Variants in TRIM17 observed in about 807,000 individuals in gnomAD.
TRIM17 encodes the protein tripartite motif containing 17.
In TRIM17, 27 loss-of-function variants were observed where a neutral mutation model predicts 35.8. The observed-to-expected ratio is 0.75, with a 90% CI of 0.56 to 1.04. The LOEUF (loss-of-function observed/expected upper bound fraction) is 1.04, where lower values mean the gene tolerates loss of function less well. Ranked by LOEUF, TRIM17 falls within the 50% of genes least tolerant of loss-of-function variation. TRIM17 has a pLI of 0.00. For synonymous variants in TRIM17, 246 were observed against 252.6 expected (o/e 0.97, Z 0.25); for missense variants, 582 against 612.8 (o/e 0.95, Z 0.53).
rs1293742925 is a variant in TRIM17 at position 228,407,985 on chromosome 1, G to A, written c.*216C>T. 9.7e-6 allele frequency: 4 copies of A among 414,168 alleles called. No individual in the cohort carries two copies. The highest frequency in any genetic ancestry group is 8.5e-5 in the South Asian group (1 of 11,798). The allele number at this position is 414,168 out of a possible 1,614,324, so 25.7% of individuals were successfully genotyped here. A position where few individuals can be genotyped will look rare whatever the true frequency, so the allele number is the denominator to read the frequency against. On this transcript the variant is annotated 3_prime_UTR_variant, in exon 7 of 7. Transcript: ENST00000366698. ...GAAATCGGTCCACTCAGAACGCAGG[G>A]GCTTTCAAAAGTTTCCTCTAGGAAG...
chr1:228,408,161 T>C lies in TRIM17; in HGVS notation c.*40A>G. 6.6e-7 allele frequency: 1 copy of C among 1,505,728 alleles called. No homozygotes were observed. The highest frequency in any genetic ancestry group is 8.9e-7 in the Non-Finnish European group (1 of 1,127,046). 93.3% of individuals were successfully genotyped at this position (1,505,728 alleles called of 1,614,324 possible). On this transcript the variant is annotated 3_prime_UTR_variant, in exon 7 of 7. Transcript: ENST00000366698. The surrounding 1 kb of genome is among the most constrained non-coding windows in gnomAD (Gnocchi z 6.3). ...CAGTAAGCAGAAGGCCCACACCTTC[T>C]GCAGAGCCAGGAGCAGTGCCCGAGT...
intron 2 of TRIM17, among the ~76,000 whole-genome samples, 198 bp downstream of exon 2, chr1:228,414,446 A>G (rs1001595743): frequency 2.0e-5 from 3 of 152,196 alleles, no homozygotes; most frequent in African/African-American, 7.2e-5. Flanking sequence ...CCTGCATCAT[A>G]CAGTGTAGGC....
chr1:228,416,278 C>G (rs1657117835), intron 1 of TRIM17: 1 of 965,780 alleles, frequency 1.0e-6, no homozygotes, highest in African/African-American at 1.8e-5. Context: ...CCCAGCCCAC[C>G]CTGACCGAAG....
chr1:228,408,237 C>A lies in TRIM17; in HGVS notation c.1398G>T (p.Met466Ile), dbSNP rs747580337. The A allele has an allele frequency of 8.1e-5, 127 of 1,558,636 alleles. No homozygotes were observed. The highest frequency in any genetic ancestry group is 1.1e-4 in the Non-Finnish European group (124 of 1,152,674). Reference protein sequence around the residue: ...FCLGAPKSGQMVISTVTMWVK... With the variant: ...FCLGAPKSGQIVISTVTMWVK... ...CCCACATGGTCACTGTGGAGATGAC[C>A]ATCTGACCAGACTTCGGAGCCCCCA... Residue 466 changes from methionine to isoleucine, a missense_variant, in exon 7 of 7, where the codon ATG becomes ATT. By Grantham distance (10) the Met-to-Ile change is conservative. Transcript: ENST00000366698. This position sits in a 1 kb window ranked among gnomAD's most constrained non-coding sequence, Gnocchi z 6.3.
chr1:228,409,118 G>C, intron 6 of TRIM17, 54 bp downstream of exon 6: 1 of 1,613,988 alleles, frequency 6.2e-7, no homozygotes, highest in South Asian at 1.1e-5. Context: ...GGGTACAGTG[G>C]GGCATCGCCA....
rs1309026468 is a variant in TRIM17 at position 228,408,681 on chromosome 1, G to A, written c.954C>T (p.Tyr318=). The change falls in exon 7 of 7, where the codon TAC becomes TAT. Residue 318 remains tyrosine (Y), a synonymous_variant. Transcript: ENST00000366698. This position sits in a 1 kb window ranked among gnomAD's most constrained non-coding sequence, Gnocchi z 6.3. ...LLLYESRQRR[Y]LGSSPEGSGF... is the part of the protein sequence containing the mutation. ...CACTGCCCTCCGGCGAAGAGCCGAGGTAGCGCCTCTGGCGGCTCTCATACA... is the reference window on the plus strand; with the variant it reads ...CACTGCCCTCCGGCGAAGAGCCGAGATAGCGCCTCTGGCGGCTCTCATACA... The A allele has an allele frequency of 3.1e-6, 5 of 1,610,640 alleles. No homozygotes were observed. Among genetic ancestry groups the A allele is most frequent in the Non-Finnish European group, 4.2e-6 (5 of 1,180,010 alleles).
intron 1 of TRIM17, chr1:228,415,933 A>G (rs550586544): frequency 2.0e-4 from 31 of 152,442 alleles, no homozygotes; most frequent in African/African-American, 7.2e-4. Context: ...ATGCATGTAC[A>G]CACAGGTACA....
At position 228,408,257 on chromosome 1, in the gene TRIM17, C is replaced by G. The variant is rs531298821; in HGVS notation, c.1378G>C (p.Ala460Pro). The change falls in exon 7 of 7, where the codon GCT becomes CCT. Residue 460 changes from alanine (A) to proline (P), a missense_variant. Physicochemically the swap from Ala to Pro is conservative, Grantham distance 27. Transcript: ENST00000366698. The surrounding 1 kb of genome is among the most constrained non-coding windows in gnomAD (Gnocchi z 6.3). ...ATGACCATCTGACCAGACTTCGGAG[C>G]CCCCAGGCAGAAGAAAGGCTGCAGG... ...GPLQPFFCLGAPKSGQMVIST... is the reference protein window; with the variant it reads ...GPLQPFFCLGPPKSGQMVIST... 8 of 1,577,206 alleles carry G rather than the reference C, an allele frequency of 5.1e-6. No individual in the cohort carries two copies. In the African/African-American group the frequency reaches 9.4e-5, roughly 19 times the overall value.
Position 228,408,230 on chromosome 1 carries a change from A to C in TRIM17, c.1405T>G (p.Ser469Ala). Residue 469 changes from serine (S) to alanine (A), a missense_variant, in exon 7 of 7, where the codon TCC becomes GCC. By Grantham distance (99) the Ser-to-Ala change is moderately conservative. Transcript: ENST00000366698. This position sits in a 1 kb window ranked among gnomAD's most constrained non-coding sequence, Gnocchi z 6.3. ...CCTTTCACCCACATGGTCACTGTGG[A>C]GATGACCATCTGACCAGACTTCGGA... Reference protein sequence around the residue: ...GAPKSGQMVISTVTMWVKG With the variant: ...GAPKSGQMVIATVTMWVKG 6.4e-7 allele frequency: 1 copy of C among 1,553,116 alleles called. No homozygotes were observed.
Position 228,411,910 on chromosome 1 carries a change from G to A in TRIM17, c.526-734C>T, listed in dbSNP as rs986260779. ...GACTCCTGGGCTCAGGTGATCCTCA[G>A]GGGCCACTGTTTTGAACTGGGCTCC... On this transcript the variant is annotated intron_variant, in intron 3 of 6. Transcript: ENST00000366698. This position sits in a 1 kb window ranked among gnomAD's most constrained non-coding sequence, Gnocchi z 4.2. 3.3e-5 allele frequency among the ~76,000 whole-genome samples: 5 copies of A among 152,200 alleles called. No individual in the cohort carries two copies. Among genetic ancestry groups the A allele is most frequent in the Non-Finnish European group, 7.3e-5 (5 of 68,032 alleles).
Position 228,410,967 on chromosome 1 carries a change from C to T in TRIM17, c.735G>A (p.Gln245=), listed in dbSNP as rs771490714. 1 of 1,589,776 alleles carries T rather than the reference C, an allele frequency of 6.3e-7. No homozygotes were observed. The highest frequency in any genetic ancestry group is 1.1e-5 in the South Asian group (1 of 88,248). Residue 245 remains glutamine (Q), a synonymous_variant, in exon 4 of 7, where the codon CAG becomes CAA. Coordinates refer to ENST00000366698, the MANE Select transcript of TRIM17 (RefSeq NM_016102.4). The surrounding 1 kb of genome is among the most constrained non-coding windows in gnomAD (Gnocchi z 4.6). ...LLLQLEERST[Q]GPLQMLQDMK... is the part of the protein sequence containing the mutation. The stretch of plus-strand genomic sequence containing the variant: ...TCACCTGCAGCATCTGGAGGGGCCC[C>T]TGTGTGCTCCGCTCCTCCAGCTGCA...
Position 228,408,176 on chromosome 1 carries a change from A to AGT in TRIM17, c.*23_*24dup. 6.6e-7 allele frequency: 1 copy of AGT among 1,510,748 alleles called. No homozygotes were observed. Among genetic ancestry groups the AGT allele is most frequent in the Non-Finnish European group, 8.9e-7 (1 of 1,129,808 alleles). 93.6% of individuals were successfully genotyped at this position (1,510,748 alleles called of 1,614,324 possible). A position where few individuals can be genotyped will look rare whatever the true frequency, so the allele number is the denominator to read the frequency against. On this transcript the variant is annotated 3_prime_UTR_variant, in exon 7 of 7. Coordinates refer to ENST00000366698, the MANE Select transcript of TRIM17 (RefSeq NM_016102.4). The surrounding 1 kb of genome is among the most constrained non-coding windows in gnomAD (Gnocchi z 6.3). ...CCACACCTTCTGCAGAGCCAGGAGC[A>AGT]GTGCCCGAGTCCCCCGGTCTGTGTC...
chr1:228,411,055 C>T lies in TRIM17; in HGVS notation c.647G>A (p.Ser216Asn). 1.2e-6 allele frequency: 2 copies of T among 1,613,862 alleles called. No homozygotes were observed. Among genetic ancestry groups the T allele is most frequent in the Non-Finnish European group, 1.7e-6 (2 of 1,179,994 alleles). The part of the protein sequence containing the change: ...ALETEEEETA[S>N]RLRESVACLD... ...GCAGGCCACGCTCTCCCGGAGCCTG[C>T]TGGCAGTCTCCTCTTCTTCCGTCTC... Residue 216 changes from serine to asparagine, a missense_variant, in exon 4 of 7, where the codon AGC becomes AAC. Ser to Asn is a conservative substitution (Grantham distance 46). Transcript: ENST00000366698. The surrounding 1 kb of genome is among the most constrained non-coding windows in gnomAD (Gnocchi z 4.2).
At position 228,413,911 on chromosome 1, in the gene TRIM17, G is replaced by T; in HGVS notation, c.430-19C>A. On this transcript the variant is annotated intron_variant, in intron 2 of 6. Transcript: ENST00000366698. Reference sequence around the variant, plus strand: ...GCTTCAACTGTGGGACACACAAACCGCAGGATTTGGGATCAGCGATCCCCC... The same window carrying T: ...GCTTCAACTGTGGGACACACAAACCTCAGGATTTGGGATCAGCGATCCCCC... The T allele has an allele frequency of 6.2e-7, 1 of 1,606,740 alleles. No individual in the cohort carries two copies.
At position 228,409,409 on chromosome 1, in the gene TRIM17, G is replaced by T; in HGVS notation, c.759C>A (p.Asp253Glu). The T allele has an allele frequency of 6.5e-7, 1 of 1,542,788 alleles. No homozygotes were observed. The highest frequency in any genetic ancestry group is 1.4e-5 in the African/African-American group (1 of 71,922). ...STQGPLQMLQ[D>E]MKEPLSRKNN... ...CATACCTGCTCAGGGGTTCCTTCAT[G>T]TCCTGCAAAAGACAGGGACGGAGGG... is the stretch of plus-strand genomic sequence containing the variant. Residue 253 changes from aspartate (D) to glutamate (E), a missense_variant and splice_region_variant, in exon 5 of 7, where the codon GAC becomes GAA. Transcript: ENST00000366698.
At chr1:228,409,461 A>G (rs1346008544) in intron 4 of TRIM17, 50 bp from the exon 5 acceptor site, 3 of 1,461,976 alleles carry the variant, frequency 2.1e-6, no homozygotes, top group African/African-American at 1.4e-5. Flanking sequence ...CTCCTGGCTC[A>G]CCTCAATGTC....
chr1:228,415,378 T>C, intron 1 of TRIM17: 1 of 300,258 alleles, frequency 3.3e-6, no homozygotes, highest in Non-Finnish European at 6.2e-6. Flanking sequence ...TGCTGCTGGC[T>C]ACCCCCAGCT....
chr1:228,416,243 C>T (rs1017795736), intron 1 of TRIM17: 16 of 729,256 alleles, frequency 2.2e-5, no homozygotes, highest in Non-Finnish European at 2.7e-5. Flanking sequence ...CCCTCCGACT[C>T]CCCCCAAGAG....
Position 228,415,086 on chromosome 1 carries a change from C to T in TRIM17, c.-14G>A, listed in dbSNP as rs768544221. On this transcript the variant is annotated 5_prime_UTR_variant, in exon 2 of 7. Transcript: ENST00000366698. ...CACAGCCTCCATGGCTCCTGGGAGA[C>T]ACGAGGCAGGTTCCCGCTTGAGGGA... 1.3e-6 allele frequency: 2 copies of T among 1,591,434 alleles called. No individual in the cohort carries two copies. The highest frequency in any genetic ancestry group is 1.7e-6 in the Non-Finnish European group (2 of 1,165,912).
Sources: gnomAD v4.1 joint callset for allele counts (sites outside exome capture counted in the v4.1 genomes callset) on GRCh38, gnomAD v4.1.1 for gene constraint, Gnocchi (gnomAD v3.1) non-coding constraint, MANE v1.5 for transcripts, NCBI Gene and HGNC (gene_info 2026-07-23, HGNC 2026-07-21) for gene names.